The following CYP20A1 variants were observed in gnomAD, a reference collection of about 807,000 sequenced individuals.
CYP20A1 encodes the protein cytochrome P450 family 20 subfamily A member 1, also known as cytochrome P450 20A1.
CYP20A1 carries 61 observed loss-of-function variants against 61.4 expected under a neutral mutation model. The ratio of observed to expected loss-of-function variants is 0.99; its 90% CI spans 0.81 to 1.23. CYP20A1 has a LOEUF of 1.23. CYP20A1 is among the 50% of genes most tolerant of loss of function. The pLI is 0.00. For synonymous variants in CYP20A1, 193 were observed against 188.2 expected (o/e 1.03, Z -0.21); for missense variants, 530 against 542.4 (o/e 0.98, Z 0.23).
intron 4 of CYP20A1, among the ~76,000 whole-genome samples, chr2:203,261,390 T>G (rs943465189): frequency 6.6e-6 from 1 of 151,238 alleles, no homozygotes; most frequent in African/African-American, 2.4e-5. Flanking sequence ...AGACCCTGTC[T>G]CTACAAAGAA....
intron 6 of CYP20A1, among the ~76,000 whole-genome samples, chr2:203,273,973 C>T (rs2152086495): frequency 6.6e-6 from 1 of 152,018 alleles, no homozygotes; most frequent in East Asian, 1.9e-4. Context: ...AAAAAATTAG[C>T]ATCCTAAAAA....
rs527586051 is a variant in CYP20A1, at chr2:203,239,430, C to A, written c.72+296C>A. 2.0e-5 allele frequency among the ~76,000 whole-genome samples: 3 copies of A among 152,362 alleles called. No homozygotes were observed. In the South Asian group the frequency reaches 6.2e-4, roughly 32 times the overall value. ...GGCCGGTCTCACCTTGCCAGGCACC[C>A]CGCGCCACTCTCCAAGGCGGCTCTC... is the stretch of plus-strand genomic sequence containing the variant. On this transcript the variant is annotated intron_variant, in intron 1 of 12. Coordinates refer to ENST00000356079, the MANE Select transcript of CYP20A1 (RefSeq NM_177538.3).
chr2:203,267,388 G>C (rs2067368655), intron 5 of CYP20A1, among the ~76,000 whole-genome samples: 1 of 151,852 alleles, frequency 6.6e-6, no homozygotes, highest in Admixed American at 6.6e-5. Flanking sequence ...AGAAAAACTA[G>C]CCAGGCATGG....
chr2:203,278,284 G>T (rs1285314406), intron 6 of CYP20A1, among the ~76,000 whole-genome samples: 1 of 152,088 alleles, frequency 6.6e-6, no homozygotes, highest in African/African-American at 2.4e-5. Context: ...AAAAATAAAA[G>T]AAAAAGTCAA....
At chr2:203,257,317 CAAA>C (rs751345935) in intron 4 of CYP20A1, among the ~76,000 whole-genome samples, 4 of 113,448 alleles carry the variant, frequency 3.5e-5, no homozygotes, top group Non-Finnish European at 1.9e-5. Flanking sequence ...GACACTGTCT[CAAA>C]AAAAAAAAAA....
rs937813472 is a variant in CYP20A1, at chr2:203,297,690, A to G, written c.*782A>G. On this transcript the variant is annotated 3_prime_UTR_variant, in exon 13 of 13. Transcript: ENST00000356079. ...AACCCTGTCTCTATTAAAAATACAG[A>G]AAATTGGCCGGGTGCGGTGGCTCAC... The G allele has an allele frequency of 6.6e-6, 1 of 150,810 alleles. No individual in the cohort carries two copies. The highest frequency in any genetic ancestry group is 2.4e-5 in the African/African-American group (1 of 40,866). 9.3% of individuals were successfully genotyped at this position (150,810 alleles called of 1,614,324 possible).
At chr2:203,254,565 T>C (rs977542557) in intron 4 of CYP20A1, among the ~76,000 whole-genome samples, 1 of 150,938 alleles carries the variant, frequency 6.6e-6, no homozygotes, top group Non-Finnish European at 1.5e-5. Context: ...AAAAAAAAAT[T>C]GTTATCATTC....
chr2:203,285,554 C>G (rs1240915990), intron 8 of CYP20A1, 58 bp from the exon 9 acceptor site: 1 of 1,444,600 alleles, frequency 6.9e-7, no homozygotes, highest in African/African-American at 1.4e-5. Flanking sequence ...TTTTCTTATT[C>G]TATACCCAAG....
intron 1 of CYP20A1, among the ~76,000 whole-genome samples, chr2:203,241,306 G>A (rs2066246716): frequency 6.6e-6 from 1 of 152,214 alleles, no homozygotes; most frequent in African/African-American, 2.4e-5. Context: ...AGACATTCAA[G>A]TGGAGATGTT....
intron 4 of CYP20A1, among the ~76,000 whole-genome samples, chr2:203,257,335 T>A (rs2066930500): frequency 6.6e-6 from 1 of 150,926 alleles, no homozygotes; most frequent in Non-Finnish European, 1.5e-5. Flanking sequence ...AAAAAAAAAA[T>A]TCCATTTGGT....
rs1040984264 is a variant in CYP20A1, at chr2:203,271,413, G to A, written c.601-1257G>A. Among the ~76,000 whole-genome samples, 8 of 152,058 alleles carry A rather than the reference G, an allele frequency of 5.3e-5. No individual in the cohort carries two copies. In the East Asian group the frequency reaches 1.5e-3, roughly 29 times the overall value. ...AATAGTTTGATTTTTTAACATTTAAGTAATCTGAAATATTTTCATTTAAGG... is the reference window on the plus strand; with the variant it reads ...AATAGTTTGATTTTTTAACATTTAAATAATCTGAAATATTTTCATTTAAGG... On this transcript the variant is annotated intron_variant, in intron 5 of 12. Transcript: ENST00000356079.
intron 3 of CYP20A1, among the ~76,000 whole-genome samples, chr2:203,248,848 T>C (rs2066556789): frequency 6.6e-6 from 1 of 152,160 alleles, no homozygotes; most frequent in African/African-American, 2.4e-5. Context: ...TAGGTGAGAC[T>C]ATAGGCATGC....
At chr2:203,279,441 T>C (rs1487875437) in intron 7 of CYP20A1, among the ~76,000 whole-genome samples, 2 of 152,224 alleles carry the variant, frequency 1.3e-5, no homozygotes, top group South Asian at 2.1e-4. Context: ...CTTTGCCTGC[T>C]TGACCAGGTG....
At chr2:203,252,548 T>C (rs186340666) in intron 4 of CYP20A1, among the ~76,000 whole-genome samples, 5 of 152,010 alleles carry the variant, frequency 3.3e-5, no homozygotes, top group Admixed American at 6.6e-5. Flanking sequence ...GTGCGCACCA[T>C]CACACCGGGC....
At chr2:203,257,950 C>G (rs1298494681) in intron 4 of CYP20A1, among the ~76,000 whole-genome samples, 1 of 152,192 alleles carries the variant, frequency 6.6e-6, no homozygotes, top group Non-Finnish European at 1.5e-5. Context: ...TGCCTGGGCT[C>G]AAGTGCAGTG....
At chr2:203,244,132 G>A (rs1046889182) in intron 1 of CYP20A1, among the ~76,000 whole-genome samples, 8 of 150,346 alleles carry the variant, frequency 5.3e-5, no homozygotes, top group Non-Finnish European at 1.0e-4. Flanking sequence ...CCCGCCCCCC[G>A]TCTCTTCACT....
At position 203,304,448 on chromosome 2, in the gene CYP20A1, C is replaced by T. The variant is rs879400710; in HGVS notation, c.*7540C>T. ...TCCTGACCTTGTGATCTGTCCACCG[C>T]GGCTTCCCAAAGTGCTGGGATTACA... On this transcript the variant is annotated 3_prime_UTR_variant, in exon 13 of 13. Coordinates refer to ENST00000356079, the MANE Select transcript of CYP20A1 (RefSeq NM_177538.3). 9.9e-5 allele frequency among the ~76,000 whole-genome samples: 15 copies of T among 152,186 alleles called. No homozygotes were observed. The East Asian group carries it at 2.1e-3, about 22-fold the overall frequency.
intron 5 of CYP20A1, among the ~76,000 whole-genome samples, chr2:203,271,823 G>A (rs1215916631): frequency 2.0e-5 from 3 of 151,954 alleles, no homozygotes; most frequent in African/African-American, 7.3e-5. Context: ...ATCACCTGAG[G>A]TCAGGAGTTC....
At chr2:203,272,550 CAAA>C (rs368688435) in intron 5 of CYP20A1, 117 bp from the exon 6 acceptor site, 1,668 of 131,782 alleles carry the variant, frequency 0.013, 6 homozygotes, top group African/African-American at 0.028. Context: ...AACCCTGACT[CAAA>C]AAAAAAAAAA....
Sources: allele counts gnomAD v4.1 joint callset (sites outside exome capture counted in the v4.1 genomes callset), GRCh38; gene constraint gnomAD v4.1.1; transcripts MANE v1.5; gene names NCBI Gene and HGNC (gene_info 2026-07-23, HGNC 2026-07-21).